Variants in KYAT1 observed in about 807,000 individuals in gnomAD.
The protein encoded by KYAT1 is kynurenine--oxoglutarate transaminase 1.
Under a neutral mutation model 52.4 loss-of-function variants are expected in KYAT1, and 47 were observed. The ratio of observed to expected loss-of-function variants is 0.90; its 90% confidence interval spans 0.71 to 1.14. The LOEUF (loss-of-function observed/expected upper bound fraction) is 1.14. KYAT1 is among the 50% of genes most tolerant of loss of function. The probability of loss-of-function intolerance (pLI) is 0.00; values close to 1 mark genes in which losing one functional copy is unlikely to be tolerated. For missense variants in KYAT1, 480 were observed against 557.9 expected, an observed-to-expected ratio of 0.86 and a Z score of 1.41; for synonymous variants, 212 against 209.6, an observed-to-expected ratio of 1.01 and a Z score of -0.10.
intron 5 of KYAT1, 116 bp from the exon 6 acceptor site, chr9:128,837,929 G>T: frequency 2.7e-6 from 4 of 1,472,756 alleles, no homozygotes; most frequent in Non-Finnish European, 3.8e-6. Flanking sequence ...CCTCCCCTCT[G>T]CCCTCCCAGC....
rs879573545 is a variant in KYAT1 at position 128,859,278 on chromosome 9, G to A, written c.-6-13867C>T. 4.0e-5 allele frequency among the ~76,000 whole-genome samples: 6 copies of A among 151,504 alleles called. 1 individual carries two copies. The South Asian group carries it at 8.4e-4, about 21-fold the overall frequency. ...CGGGAGGCTGAGGCAGGAGAATGTC[G>A]TGAACCCAGGAGGCTGAACCTGCAG... On this transcript the variant is annotated intron_variant, in intron 1 of 12. Transcript: ENST00000302586.
chr9:128,844,597 G>A (rs1468598734), intron 2 of KYAT1, among the ~76,000 whole-genome samples: 2 of 152,190 alleles, frequency 1.3e-5, no homozygotes, highest in East Asian at 3.9e-4. Flanking sequence ...GGCTGAGGCA[G>A]GAGAATTGCT....
At chr9:128,833,961 A>G (rs1426338013) in intron 11 of KYAT1, 135 bp from the exon 12 acceptor site, 1 of 666,480 alleles carries the variant, frequency 1.5e-6, no homozygotes, top group Non-Finnish European at 2.6e-6. Flanking sequence ...AGCTGCATCA[A>G]AGTCAGAGGA....
chr9:128,847,623 T>C, intron 1 of KYAT1: 1 of 682,358 alleles, frequency 1.5e-6, no homozygotes, highest in Non-Finnish European at 2.5e-6. Flanking sequence ...AGCTCAGGAC[T>C]TGGGTCCCCC....
At chr9:128,869,799 G>C (rs1335691917) in intron 1 of KYAT1, among the ~76,000 whole-genome samples, 1 of 151,612 alleles carries the variant, frequency 6.6e-6, no homozygotes, top group Non-Finnish European at 1.5e-5. Flanking sequence ...TGTTGCCCAG[G>C]CTAGAGTGCA....
rs71383618 is a variant in KYAT1 at position 128,876,409 on chromosome 9, C to CTTT, written c.-7+5485_-7+5487dup. Reference sequence around the variant, plus strand: ...ACACCACACCCAGTCATCCTTTGTTCTTTTTTTTTTTTTTTTTTCTGTTTT... The same window carrying CTTT: ...ACACCACACCCAGTCATCCTTTGTTCTTTTTTTTTTTTTTTTTTTTTCTGTTTT... On this transcript the variant is annotated intron_variant, in intron 1 of 12. Transcript: ENST00000302586. Among the ~76,000 whole-genome samples, 69 of 124,534 alleles carry CTTT rather than the reference C, an allele frequency of 5.5e-4. 1 individual carries two copies. The highest frequency in any genetic ancestry group is 2.0e-4 in the Non-Finnish European group (12 of 61,006). 81.7% of individuals were successfully genotyped at this position (124,534 alleles called of 152,430 possible).
intron 2 of KYAT1, among the ~76,000 whole-genome samples, chr9:128,843,410 G>A (rs1205522566): frequency 5.6e-5 from 8 of 144,132 alleles, no homozygotes; most frequent in African/African-American, 2.1e-4. Flanking sequence ...ACAGAGTTTC[G>A]CTCTATCCCC....
chr9:128,864,128 C>T (rs1007328067), intron 1 of KYAT1, among the ~76,000 whole-genome samples: 4 of 151,756 alleles, frequency 2.6e-5, no homozygotes, highest in Non-Finnish European at 5.9e-5. Context: ...TTTGGGAGGC[C>T]GAGGCAGGTG....
At chr9:128,855,472 C>T (rs771592715) in intron 1 of KYAT1, among the ~76,000 whole-genome samples, 16 of 152,328 alleles carry the variant, frequency 1.1e-4, no homozygotes, top group South Asian at 2.1e-4. Context: ...ATCAAGTTAT[C>T]GGAACAAGAA....
rs1483054189 is a variant in KYAT1 at position 128,868,744 on chromosome 9, T to C, written c.-7+13153A>G. Among the ~76,000 whole-genome samples, 4 of 149,782 alleles carry C rather than the reference T, an allele frequency of 2.7e-5. No individual in the cohort carries two copies. In the East Asian group the frequency reaches 7.8e-4, roughly 29 times the overall value. Reference sequence around the variant, plus strand: ...TTTTTTGAGATGGAGTCTTGCTCTGTTGCCAGGCTAGAGTGCTGTGGCACG... The same window carrying C: ...TTTTTTGAGATGGAGTCTTGCTCTGCTGCCAGGCTAGAGTGCTGTGGCACG... On this transcript the variant is annotated intron_variant, in intron 1 of 12. Transcript: ENST00000302586.
Position 128,833,758 on chromosome 9 carries a change from GAT to G in KYAT1, c.1189_1190del (p.Ile397ProfsTer8). On this transcript the variant is annotated frameshift_variant, in exon 12 of 13. Transcript: ENST00000302586. LOFTEE classifies it high-confidence loss of function. ...CCTTTACCTTCACAAAACAGAAGCG[GAT>G]ATAGTGGTCAAAGTGCTTCTGATGT... is the stretch of plus-strand genomic sequence containing the variant. ...VPHQKHFDHY[I>X]RFCFVKDEAT... The G allele has an allele frequency of 6.2e-7, 1 of 1,614,218 alleles. No homozygotes were observed. The highest frequency in any genetic ancestry group is 8.5e-7 in the Non-Finnish European group (1 of 1,180,030).
At chr9:128,869,297 G>T (rs923378842) in intron 1 of KYAT1, among the ~76,000 whole-genome samples, 1 of 151,968 alleles carries the variant, frequency 6.6e-6, no homozygotes, top group Non-Finnish European at 1.5e-5. Context: ...GCATAGCTGG[G>T]ACTACAGGCG....
chr9:128,881,231 C>G (rs1361616085), intron 1 of KYAT1, among the ~76,000 whole-genome samples: 1 of 152,148 alleles, frequency 6.6e-6, no homozygotes, highest in Non-Finnish European at 1.5e-5. Flanking sequence ...CAGGCGCCCA[C>G]CACCACGCCC....
intron 1 of KYAT1, 46 bp from the exon 2 acceptor site, chr9:128,845,457 G>A (rs771538028): frequency 1.9e-6 from 3 of 1,588,452 alleles, no homozygotes; most frequent in African/African-American, 2.7e-5. Context: ...CTGTCTGGGT[G>A]CAGCAGTCCG....
intron 1 of KYAT1, among the ~76,000 whole-genome samples, chr9:128,871,114 C>T (rs1057472610): frequency 4.6e-5 from 7 of 151,876 alleles, no homozygotes; most frequent in Non-Finnish European, 7.4e-5. Context: ...CTCAGGAGTT[C>T]GAGATCAGCC....
At chr9:128,840,853 A>G (rs1259368076) in intron 3 of KYAT1, among the ~76,000 whole-genome samples, 1 of 152,216 alleles carries the variant, frequency 6.6e-6, no homozygotes, top group Non-Finnish European at 1.5e-5. Flanking sequence ...GTTTCTTAAC[A>G]ATATCCACCT....
intron 1 of KYAT1, among the ~76,000 whole-genome samples, chr9:128,881,008 A>C (rs1273584846): frequency 3.9e-5 from 6 of 152,238 alleles, no homozygotes; most frequent in Admixed American, 3.9e-4. Context: ...CTTATCAGAC[A>C]GCTGGCGCGC....
At chr9:128,882,009 AG>A (rs1332423651), upstream of KYAT1, 1 of 152,266 alleles carries the variant, frequency 6.6e-6, no homozygotes, top group African/African-American at 2.4e-5. Flanking sequence ...CCGAAGCAGC[AG>A]GGCGCTAGCG....
intron 11 of KYAT1, among the ~76,000 whole-genome samples, chr9:128,834,540 C>T (rs1830657843): frequency 6.6e-6 from 1 of 151,282 alleles, no homozygotes; most frequent in Non-Finnish European, 1.5e-5. Flanking sequence ...ACAGGTTCCT[C>T]AGGCCAGGCA....
Sources: gnomAD v4.1 joint callset for allele counts (sites outside exome capture counted in the v4.1 genomes callset) on GRCh38, gnomAD v4.1.1 for gene constraint, MANE v1.5 for transcripts, NCBI Gene and HGNC (gene_info 2026-07-23, HGNC 2026-07-21) for gene names.